The following MORC1 variants were observed in gnomAD, a reference collection of about 807,000 sequenced individuals.
MORC1 encodes the protein MORC family CW-type zinc finger 1.
Under a neutral mutation model 134.9 loss-of-function variants are expected in MORC1, and 59 were observed. The ratio of observed to expected loss-of-function variants is 0.44; its 90% CI spans 0.35 to 0.54. The LOEUF is 0.54. Among genes scored for constraint, MORC1 ranks in the 20% least tolerant of loss-of-function variants. MORC1 has a pLI of 0.00. For missense variants in MORC1, 947 were observed against 1,134.5 expected (o/e 0.83, Z 2.37); for synonymous variants, 395 against 391.7 (o/e 1.01, Z -0.10).
chr3:109,021,189 G>A (rs1051304983), intron 17 of MORC1, among the ~76,000 whole-genome samples: 10 of 152,144 alleles, frequency 6.6e-5, no homozygotes, highest in Admixed American at 1.3e-4. Context: ...TACCCCAGAC[G>A]CCAGACAGCC....
At chr3:109,037,881 T>C (rs950901565) in intron 14 of MORC1, among the ~76,000 whole-genome samples, 4 of 152,246 alleles carry the variant, frequency 2.6e-5, no homozygotes, top group Admixed American at 2.0e-4. Flanking sequence ...TTTGCTATTG[T>C]GAATAGTTCC....
chr3:108,984,304 CAT>C (rs1241665954), intron 23 of MORC1, among the ~76,000 whole-genome samples: 1 of 151,988 alleles, frequency 6.6e-6, no homozygotes, highest in African/African-American at 2.4e-5. Flanking sequence ...ATAAAATTCT[CAT>C]GTCAAAAAAA....
intron 8 of MORC1, among the ~76,000 whole-genome samples, chr3:109,089,626 A>G (rs185484252): frequency 6.6e-6 from 1 of 152,260 alleles, no homozygotes; most frequent in East Asian, 1.9e-4. Context: ...TTAAAGAGAA[A>G]AAAATGCGAT....
chr3:109,026,156 C>T (rs1949069140), intron 17 of MORC1, among the ~76,000 whole-genome samples: 1 of 152,008 alleles, frequency 6.6e-6, no homozygotes, highest in South Asian at 2.1e-4. Flanking sequence ...GCCCTGAGTA[C>T]CAGAAAGTAT....
At chr3:108,971,601 G>C (rs182813184) in intron 24 of MORC1, among the ~76,000 whole-genome samples, 199 bp from the exon 25 acceptor site, 16 of 152,196 alleles carry the variant, frequency 1.1e-4, no homozygotes, top group African/African-American at 3.4e-4. Context: ...AGGTGGGTGT[G>C]GCTATAAAAA....
intron 17 of MORC1, among the ~76,000 whole-genome samples, chr3:109,012,035 T>C (rs1257406662): frequency 2.0e-5 from 3 of 152,222 alleles, no homozygotes; most frequent in Non-Finnish European, 4.4e-5. Context: ...ATGCCAAATA[T>C]CAGGTCACTA....
At chr3:109,027,640 G>A (rs1949112620) in intron 17 of MORC1, 111 bp downstream of exon 17, 4 of 1,409,834 alleles carry the variant, frequency 2.8e-6, no homozygotes, top group Non-Finnish European at 3.9e-6. Flanking sequence ...AAAAGGACAG[G>A]AAAAAGATTA....
At chr3:108,971,579 C>T (rs542266036) in intron 24 of MORC1, among the ~76,000 whole-genome samples, 177 bp from the exon 25 acceptor site, 94 of 152,208 alleles carry the variant, frequency 6.2e-4, no homozygotes, top group Non-Finnish European at 1.1e-3. Context: ...AAAGCATAGA[C>T]TGGGGAGAGG....
At chr3:108,976,554 T>C (rs1296330651) in intron 24 of MORC1, among the ~76,000 whole-genome samples, 1 of 152,178 alleles carries the variant, frequency 6.6e-6, no homozygotes. Context: ...TTTTCACTGG[T>C]GAAATTTGAG....
At chr3:109,095,130 T>C (rs1324218651) in intron 6 of MORC1, 62 bp from the exon 7 acceptor site, 5 of 1,454,698 alleles carry the variant, frequency 3.4e-6, no homozygotes, top group Non-Finnish European at 4.6e-6. Context: ...TTCTTTTGTC[T>C]TATCTATTTC....
intron 24 of MORC1, among the ~76,000 whole-genome samples, chr3:108,976,182 A>G (rs1473796133): frequency 6.6e-6 from 1 of 152,196 alleles, no homozygotes; most frequent in African/African-American, 2.4e-5. Context: ...ATTAATTGTT[A>G]GCATTAATTA....
chr3:109,030,256 A>G (rs1052648257), intron 16 of MORC1, among the ~76,000 whole-genome samples: 2 of 152,218 alleles, frequency 1.3e-5, no homozygotes, highest in African/African-American at 4.8e-5. Context: ...ACTTATTTTA[A>G]GTGATTCTAT....
intron 23 of MORC1, among the ~76,000 whole-genome samples, chr3:108,979,980 T>TA (rs2107444008): frequency 6.6e-6 from 1 of 152,264 alleles, no homozygotes; most frequent in Non-Finnish European, 1.5e-5. Context: ...TTAAACCTGT[T>TA]AAACAACTAT....
chr3:109,060,739 G>A (rs77749865), intron 11 of MORC1, among the ~76,000 whole-genome samples: 3,562 of 152,208 alleles, frequency 0.023, 62 homozygotes, highest in Non-Finnish European at 0.035. Context: ...GAGTGCATCA[G>A]AGCAACAGGA....
At chr3:109,086,255 T>C (rs1950614652) in intron 8 of MORC1, among the ~76,000 whole-genome samples, 1 of 152,096 alleles carries the variant, frequency 6.6e-6, no homozygotes, top group East Asian at 1.9e-4. Context: ...GTTTGTAGCA[T>C]AAAGAAAAGA....
intron 17 of MORC1, among the ~76,000 whole-genome samples, chr3:109,025,412 G>T (rs1949053921): frequency 9.4e-6 from 1 of 106,234 alleles, no homozygotes; most frequent in Non-Finnish European, 1.8e-5. Context: ...TTTTGAGACA[G>T]AGTCTCATCT....
rs2107668947 is a variant in MORC1, at chr3:109,054,874, G to A, written c.1184C>T (p.Ala395Val). The change falls in exon 14 of 28, where the codon GCA becomes GTA. Residue 395 changes from alanine (A) to valine (V), a missense_variant. Ala to Val is a moderately conservative substitution (Grantham distance 64, BLOSUM62 0). Coordinates refer to ENST00000232603, the MANE Select transcript of MORC1 (RefSeq NM_014429.4). The stretch of plus-strand genomic sequence containing the variant: ...TATATTAACAATTCCAACCACGCCT[G>A]CGCCAAGTCTGAGAAAATATATGCA... ...SQLKLKSLLG[A>V]GVVGIVNIPL... The A allele has an allele frequency of 4.4e-6, 7 of 1,594,728 alleles. No individual in the cohort carries two copies. The highest frequency in any genetic ancestry group is 5.1e-6 in the Non-Finnish European group (6 of 1,175,342).
At chr3:109,003,391 G>GCACACACACACACACACA (rs3054383) in intron 20 of MORC1, among the ~76,000 whole-genome samples, 1 of 146,650 alleles carries the variant, frequency 6.8e-6, no homozygotes, top group Admixed American at 6.9e-5. Context: ...ATATGTGTAT[G>GCACACACACACACACACA]CACACACACA....
intron 7 of MORC1, 37 bp downstream of exon 7, chr3:109,094,872 T>C: frequency 6.6e-7 from 1 of 1,521,612 alleles, no homozygotes; most frequent in Non-Finnish European, 8.8e-7. Context: ...TGAAAACAAA[T>C]ACTTCCATCA....
Sources: allele counts gnomAD v4.1 joint callset (sites outside exome capture counted in the v4.1 genomes callset), GRCh38; gene constraint gnomAD v4.1.1; transcripts MANE v1.5; gene names NCBI Gene and HGNC (gene_info 2026-07-23, HGNC 2026-07-21).